The following LRRC37A2 variants were observed in gnomAD, a reference collection of about 807,000 sequenced individuals.
LRRC37A2 encodes leucine rich repeat containing 37 member A2.
Under a neutral mutation model 68.8 loss-of-function variants are expected in LRRC37A2, and 9 were observed. The ratio of observed to expected loss-of-function variants is 0.13; its 90% CI spans 0.08 to 0.23. The LOEUF is 0.23. LRRC37A2 is among the 10% of genes least tolerant of loss of function. The pLI, the probability that LRRC37A2 is intolerant of heterozygous loss-of-function variation, is 1.00. For synonymous variants in LRRC37A2, 63 were observed against 367.6 expected (o/e 0.17, Z 9.48); for missense variants, 168 against 950.4 (o/e 0.18, Z 10.82).
chr17:46,458,444 C>T, the LRRC37A2 span, among the ~76,000 whole-genome samples: 8 of 97,550 alleles, frequency 8.2e-5, no homozygotes, highest in Non-Finnish European at 1.4e-4. Context: ...ATATCTGCTG[C>T]CACCACAGGG....
the LRRC37A2 span, among the ~76,000 whole-genome samples, chr17:46,865,753 G>A: frequency 2.6e-5 from 4 of 152,068 alleles, no homozygotes; most frequent in African/African-American, 4.8e-5. Flanking sequence ...CCACAGGCAC[G>A]TGCCACCATG....
At chr17:47,030,815 C>T in the LRRC37A2 span, among the ~76,000 whole-genome samples, 1 of 151,796 alleles carries the variant, frequency 6.6e-6, no homozygotes, top group Non-Finnish European at 1.5e-5. Flanking sequence ...CAATATGACA[C>T]CATTTTGTGG....
At chr17:46,800,010 AGGGGAGTGCTGTCCCAGAGAGT>A in the LRRC37A2 span, among the ~76,000 whole-genome samples, 1 of 152,022 alleles carries the variant, frequency 6.6e-6, no homozygotes, top group Non-Finnish European at 1.5e-5. Context: ...TCACAGAGTG[AGGGGAGTGCTGTCCCAGAGAGT>A]GGGGACCAGC....
chr17:46,501,560 AC>A, the LRRC37A2 span, among the ~76,000 whole-genome samples: 1 of 151,266 alleles, frequency 6.6e-6, no homozygotes, highest in Non-Finnish European at 1.5e-5. Flanking sequence ...TTTATCATCA[AC>A]ATGCTCATCA....
the LRRC37A2 span, among the ~76,000 whole-genome samples, chr17:46,730,837 G>T: frequency 1.3e-5 from 2 of 152,280 alleles, no homozygotes; most frequent in Admixed American, 6.5e-5. Flanking sequence ...TCAGAGAAAT[G>T]CAAGTCAGAA....
the LRRC37A2 span, chr17:46,818,712 A>G: frequency 9.5e-7 from 1 of 1,050,910 alleles, no homozygotes; most frequent in Non-Finnish European, 1.4e-6. Flanking sequence ...GCTTGTCAGA[A>G]GCGCACCTCC....
At chr17:47,029,004 CCTCAT>C in the LRRC37A2 span, among the ~76,000 whole-genome samples, 6 of 151,906 alleles carry the variant, frequency 3.9e-5, no homozygotes, top group African/African-American at 1.5e-4. Flanking sequence ...CATGGCGAAA[CCTCAT>C]CTCTACTAAA....
chr17:46,787,623 C>T, the LRRC37A2 span, among the ~76,000 whole-genome samples: 2 of 152,174 alleles, frequency 1.3e-5, no homozygotes, highest in Admixed American at 1.3e-4. Flanking sequence ...GGCTGGGCCT[C>T]ATTCAGTACC....
At chr17:46,789,484 G>A in the LRRC37A2 span, among the ~76,000 whole-genome samples, 6 of 152,228 alleles carry the variant, frequency 3.9e-5, no homozygotes, top group African/African-American at 1.4e-4. Flanking sequence ...CACCAGAAGT[G>A]TGACAGTAGA....
chr17:46,996,522 C>T, the LRRC37A2 span, among the ~76,000 whole-genome samples: 5 of 152,234 alleles, frequency 3.3e-5, no homozygotes, highest in African/African-American at 1.2e-4. Context: ...GGCTGAACTG[C>T]ATGCTCTTGA....
the LRRC37A2 span, among the ~76,000 whole-genome samples, chr17:46,999,362 G>C: frequency 1.3e-5 from 2 of 152,152 alleles, no homozygotes; most frequent in Admixed American, 1.3e-4. Context: ...GTCCACAGTT[G>C]CTTTTTTTCT....
At chr17:46,756,166 C>T in the LRRC37A2 span, 17 of 209,864 alleles carry the variant, frequency 8.1e-5, no homozygotes, top group Non-Finnish European at 1.5e-4. Flanking sequence ...CCCTTGAAAA[C>T]TCTCAGTCAG....
chr17:46,878,272 T>G, the LRRC37A2 span, among the ~76,000 whole-genome samples: 11 of 152,214 alleles, frequency 7.2e-5, no homozygotes, highest in African/African-American at 1.2e-4. Flanking sequence ...TTGCTGACCC[T>G]TCACCAACAC....
chr17:47,030,986 C>T, the LRRC37A2 span, among the ~76,000 whole-genome samples: 8 of 151,774 alleles, frequency 5.3e-5, no homozygotes, highest in Admixed American at 3.9e-4. Context: ...CTGGGAGGGC[C>T]CCTGGAAATT....
chr17:47,018,570 C>T, the LRRC37A2 span: 1 of 1,520,334 alleles, frequency 6.6e-7, no homozygotes, highest in Non-Finnish European at 9.1e-7. Flanking sequence ...CGGGGGCCCA[C>T]ATCTGCTTCC....
the LRRC37A2 span, among the ~76,000 whole-genome samples, chr17:46,959,696 C>T: frequency 6.6e-6 from 1 of 152,170 alleles, no homozygotes; most frequent in Non-Finnish European, 1.5e-5. Flanking sequence ...TAAGGTAGGA[C>T]ATTTCTTGAG....
the LRRC37A2 span, among the ~76,000 whole-genome samples, chr17:47,035,778 G>C: frequency 6.6e-6 from 1 of 152,142 alleles, no homozygotes; most frequent in African/African-American, 2.4e-5. Context: ...ACTTCCATCT[G>C]CAGTGTTTGA....
the LRRC37A2 span, among the ~76,000 whole-genome samples, chr17:46,788,794 C>T: frequency 8.6e-5 from 13 of 152,030 alleles, no homozygotes; most frequent in African/African-American, 3.1e-4. Context: ...TCAGCAGCCC[C>T]ACTGAGTGCC....
chr17:46,457,930 A>AACAC, the LRRC37A2 span, among the ~76,000 whole-genome samples: 643 of 41,002 alleles, frequency 0.016, 36 homozygotes, highest in Middle Eastern at 0.065. Context: ...TCATAAGGAA[A>AACAC]ACACACACAC....
Sources: gnomAD v4.1 joint callset for allele counts (sites outside exome capture counted in the v4.1 genomes callset) on GRCh38, gnomAD v4.1.1 for gene constraint, MANE v1.5 for transcripts, NCBI Gene and HGNC (gene_info 2026-07-23, HGNC 2026-07-21) for gene names.